Variants in FAM110B observed in about 807,000 individuals in gnomAD.
The protein encoded by FAM110B is family with sequence similarity 110 member B.
A neutral mutation model predicts 20.4 loss-of-function variants in FAM110B; 6 were observed. The ratio of observed to expected loss-of-function variants is 0.29; its 90% CI spans 0.16 to 0.58. The LOEUF (loss-of-function observed/expected upper bound fraction) is 0.58. Among genes scored for constraint, FAM110B ranks in the 20% least tolerant of loss-of-function variants. FAM110B has a pLI of 0.90. For synonymous variants in FAM110B, 226 were observed against 214.1 expected (o/e 1.06, Z -0.49); for missense variants, 434 against 498.2 (o/e 0.87, Z 1.23).
intron 3 of FAM110B, among the ~76,000 whole-genome samples, chr8:58,115,185 G>A (rs778924678): frequency 6.6e-6 from 1 of 151,772 alleles, no homozygotes; most frequent in Non-Finnish European, 1.5e-5. Context: ...TACTTTCCTG[G>A]CTCAATTTTC....
intron 3 of FAM110B, among the ~76,000 whole-genome samples, chr8:58,132,355 G>T (rs1803494451): frequency 6.6e-6 from 1 of 151,934 alleles, no homozygotes; most frequent in Non-Finnish European, 1.5e-5. Context: ...ATGGGGCTTG[G>T]CATCGTACAG....
chr8:58,011,383 A>G (rs1804530255), intron 1 of FAM110B, among the ~76,000 whole-genome samples: 1 of 152,108 alleles, frequency 6.6e-6, no homozygotes. Context: ...CTTTTCTAAT[A>G]AGCAACTGCA....
At chr8:58,039,495 G>T in intron 2 of FAM110B, among the ~76,000 whole-genome samples, 1 of 152,162 alleles carries the variant, frequency 6.6e-6, no homozygotes, top group Non-Finnish European at 1.5e-5. Flanking sequence ...ATACATGTGA[G>T]ATCCCATTGA....
At chr8:58,018,801 G>A (rs1307101911) in intron 1 of FAM110B, among the ~76,000 whole-genome samples, 1 of 145,764 alleles carries the variant, frequency 6.9e-6, no homozygotes, top group Non-Finnish European at 1.5e-5. Context: ...GGTTGCTCTA[G>A]GGATTACAAT....
intron 3 of FAM110B, among the ~76,000 whole-genome samples, chr8:58,096,392 G>A (rs1806629319): frequency 6.6e-6 from 1 of 152,114 alleles, no homozygotes; most frequent in African/African-American, 2.4e-5. Context: ...TGGCCAGGCT[G>A]GTCTTGAACT....
chr8:58,094,620 GC>G (rs1213896999), intron 3 of FAM110B, among the ~76,000 whole-genome samples: 1 of 152,296 alleles, frequency 6.6e-6, no homozygotes, highest in African/African-American at 2.4e-5. Flanking sequence ...TGATGGATAA[GC>G]TTTTTGATGT....
At chr8:58,091,559 G>T (rs1022482308) in intron 3 of FAM110B, 1 of 152,026 alleles carries the variant, frequency 6.6e-6, no homozygotes, top group African/African-American at 2.4e-5. Context: ...AGCATAATGA[G>T]ATCTGTGGAT....
chr8:58,132,200 AAAGT>A (rs1203387452), intron 3 of FAM110B, among the ~76,000 whole-genome samples: 2 of 152,022 alleles, frequency 1.3e-5, no homozygotes, highest in Non-Finnish European at 2.9e-5. Flanking sequence ...CTCTCCTCAA[AAAGT>A]TTTCACATCA....
intron 3 of FAM110B, among the ~76,000 whole-genome samples, chr8:58,128,729 T>C (rs1397969676): frequency 6.6e-6 from 1 of 152,194 alleles, no homozygotes; most frequent in African/African-American, 2.4e-5. Flanking sequence ...GTAGGTCACA[T>C]TTTGCTGTTG....
chr8:58,010,323 C>T (rs893419038), intron 1 of FAM110B, among the ~76,000 whole-genome samples: 3 of 151,962 alleles, frequency 2.0e-5, no homozygotes, highest in African/African-American at 7.3e-5. Context: ...TGCCCGGTCT[C>T]GTTTCTCAGT....
intron 3 of FAM110B, among the ~76,000 whole-genome samples, chr8:58,107,482 C>T (rs1313403482): frequency 6.6e-6 from 1 of 152,134 alleles, no homozygotes; most frequent in East Asian, 1.9e-4. Flanking sequence ...CTTGTTTGCT[C>T]GTTTAAGTCA....
rs978215875 is a variant in FAM110B, at chr8:58,039,308, G to A, written c.-414+7605G>A. On this transcript the variant is annotated intron_variant, in intron 2 of 3. Transcript: ENST00000519262. ...GACTGGAAGAGGAAACTCATTTCCTGCAGAGTGCCTGTAATGTGTCCAGTC... is the reference window on the plus strand; with the variant it reads ...GACTGGAAGAGGAAACTCATTTCCTACAGAGTGCCTGTAATGTGTCCAGTC... 3.9e-5 allele frequency among the ~76,000 whole-genome samples: 6 copies of A among 152,306 alleles called. No individual in the cohort carries two copies. In the East Asian group the frequency reaches 1.2e-3, roughly 29 times the overall value.
chr8:58,065,613 T>C (rs1001021444), intron 2 of FAM110B, among the ~76,000 whole-genome samples: 11 of 152,162 alleles, frequency 7.2e-5, no homozygotes, highest in African/African-American at 2.4e-4. Flanking sequence ...TTATTATGGC[T>C]TTATTATATA....
intron 3 of FAM110B, among the ~76,000 whole-genome samples, chr8:58,079,960 A>T (rs773120048): frequency 9.2e-5 from 14 of 152,212 alleles, no homozygotes; most frequent in Non-Finnish European, 2.1e-4. Context: ...TACAGTTATG[A>T]CCATGGACTG....
At chr8:58,129,311 T>C (rs1014338000) in intron 3 of FAM110B, among the ~76,000 whole-genome samples, 1 of 152,198 alleles carries the variant, frequency 6.6e-6, no homozygotes, top group Non-Finnish European at 1.5e-5. Flanking sequence ...ATTAACAAGG[T>C]GATTACTGAA....
At chr8:58,060,313 A>G (rs1453129392) in intron 2 of FAM110B, among the ~76,000 whole-genome samples, 1 of 152,192 alleles carries the variant, frequency 6.6e-6, no homozygotes, top group Non-Finnish European at 1.5e-5. Context: ...CAGTTGGATG[A>G]CTTCAGTTTG....
chr8:58,093,565 T>G (rs2150605064), intron 3 of FAM110B, among the ~76,000 whole-genome samples: 1 of 152,248 alleles, frequency 6.6e-6, no homozygotes, highest in East Asian at 1.9e-4. Context: ...TGTAGATGTG[T>G]GGTGTTATTT....
At chr8:58,119,406 CT>C (rs906581712) in intron 3 of FAM110B, among the ~76,000 whole-genome samples, 21 of 152,288 alleles carry the variant, frequency 1.4e-4, no homozygotes, top group Admixed American at 6.5e-5. Flanking sequence ...CCGTAAGCCT[CT>C]TTTATAAAAG....
chr8:58,093,607 A>T (rs1256951535), intron 3 of FAM110B, among the ~76,000 whole-genome samples: 1 of 152,130 alleles, frequency 6.6e-6, no homozygotes, highest in African/African-American at 2.4e-5. Flanking sequence ...ATTGGTCTAT[A>T]CATCTGTTTT....
Sources: gnomAD v4.1 joint callset for allele counts (sites outside exome capture counted in the v4.1 genomes callset) on GRCh38, gnomAD v4.1.1 for gene constraint, MANE v1.5 for transcripts, NCBI Gene and HGNC (gene_info 2026-07-23, HGNC 2026-07-21) for gene names.